CSMD1: variants seen among roughly 807,000 people sequenced by gnomAD.
CSMD1 encodes CUB and Sushi multiple domains 1.
Under a neutral mutation model 417.5 loss-of-function variants are expected in CSMD1, and 213 were observed. That is an observed-to-expected ratio of 0.51 (90% CI 0.46 to 0.57). The LOEUF is 0.57. Among genes scored for constraint, CSMD1 ranks in the 20% least tolerant of loss-of-function variants. The pLI is 0.00. For missense variants in CSMD1, 6,923 were observed against 4,529.7 expected, an observed-to-expected ratio of 1.53 and a Z score of -15.17; for synonymous variants, 2,862 against 1,736.8, an observed-to-expected ratio of 1.65 and a Z score of -16.11.
At chr8:4,426,754 A>G (rs1409121322) in intron 2 of CSMD1, among the ~76,000 whole-genome samples, 6 of 147,990 alleles carry the variant, frequency 4.1e-5, no homozygotes, top group Non-Finnish European at 8.9e-5. Context: ...ATAGTAATAT[A>G]GTAATATTTT....
At chr8:3,926,701 G>C (rs954289348) in intron 5 of CSMD1, among the ~76,000 whole-genome samples, 7 of 138,008 alleles carry the variant, frequency 5.1e-5, no homozygotes, top group Admixed American at 1.4e-4. Context: ...TTAAATTCAA[G>C]TTAAATTGAC....
intron 3 of CSMD1, among the ~76,000 whole-genome samples, chr8:4,063,981 G>C (rs1468165432): frequency 1.3e-5 from 2 of 152,096 alleles, no homozygotes; most frequent in African/African-American, 2.4e-5. Flanking sequence ...AGTGTGTGTT[G>C]GGAAAATGGG....
chr8:4,024,699 T>C (rs1302910813), intron 4 of CSMD1, among the ~76,000 whole-genome samples: 1 of 152,168 alleles, frequency 6.6e-6, no homozygotes, highest in African/African-American at 2.4e-5. Flanking sequence ...TGTGGATACC[T>C]TCCTATGGTG....
intron 3 of CSMD1, among the ~76,000 whole-genome samples, chr8:4,207,105 T>C (rs911252396): frequency 3.3e-5 from 5 of 152,170 alleles, no homozygotes; most frequent in African/African-American, 1.2e-4. Flanking sequence ...TGTTTTCTCA[T>C]TTTCTAAATA....
chr8:3,621,731 C>T (rs891907597), intron 7 of CSMD1, among the ~76,000 whole-genome samples: 3 of 151,946 alleles, frequency 2.0e-5, no homozygotes, highest in East Asian at 3.9e-4. Flanking sequence ...AGGTGCATGC[C>T]ACCACTCCCA....
intron 5 of CSMD1, among the ~76,000 whole-genome samples, chr8:3,985,522 C>G (rs781576841): frequency 5.9e-5 from 9 of 152,096 alleles, no homozygotes; most frequent in African/African-American, 1.9e-4. Context: ...GAGCCAGATA[C>G]AACGAACACA....
intron 3 of CSMD1, among the ~76,000 whole-genome samples, chr8:4,332,206 C>A (rs1425877552): frequency 6.6e-6 from 1 of 152,048 alleles, no homozygotes; most frequent in African/African-American, 2.4e-5. Context: ...TGTGAGCAAA[C>A]AGGTGCGGAT....
intron 2 of CSMD1, among the ~76,000 whole-genome samples, chr8:4,465,915 AG>A (rs1800138805): frequency 6.6e-6 from 1 of 152,182 alleles, no homozygotes; most frequent in South Asian, 2.1e-4. Context: ...TCACAGCCAT[AG>A]AAGAAGGAAA....
chr8:4,881,843 C>A (rs1219101395), intron 1 of CSMD1, among the ~76,000 whole-genome samples: 1 of 151,926 alleles, frequency 6.6e-6, no homozygotes, highest in South Asian at 2.1e-4. Flanking sequence ...TTCTACAATT[C>A]GAGCATTATT....
intron 1 of CSMD1, among the ~76,000 whole-genome samples, chr8:4,808,006 G>C (rs985600201): frequency 6.6e-6 from 1 of 152,160 alleles, no homozygotes; most frequent in African/African-American, 2.4e-5. Context: ...AATCTGTTGT[G>C]TATCCCATTG....
At chr8:4,862,613 C>T (rs1050990194) in intron 1 of CSMD1, among the ~76,000 whole-genome samples, 8 of 152,122 alleles carry the variant, frequency 5.3e-5, no homozygotes, top group East Asian at 1.9e-4. Context: ...AATTGGAATA[C>T]GGTTTTAGAG....
intron 10 of CSMD1, among the ~76,000 whole-genome samples, chr8:3,513,604 C>T (rs181620377): frequency 2.0e-5 from 3 of 152,080 alleles, no homozygotes; most frequent in African/African-American, 4.8e-5. Flanking sequence ...CGCAATGCCC[C>T]AGAAAACATG....
intron 38 of CSMD1, among the ~76,000 whole-genome samples, chr8:3,160,236 C>A (rs1819797796): frequency 6.6e-6 from 1 of 152,170 alleles, no homozygotes; most frequent in Non-Finnish European, 1.5e-5. Context: ...GATCCACCCA[C>A]CTCAGCCTCC....
At chr8:4,109,490 C>G (rs1241499468) in intron 3 of CSMD1, among the ~76,000 whole-genome samples, 1 of 152,166 alleles carries the variant, frequency 6.6e-6, no homozygotes, top group Non-Finnish European at 1.5e-5. Context: ...CAATCCCATA[C>G]ATGCTGTGCA....
At chr8:4,931,757 G>A (rs1019395615) in intron 1 of CSMD1, among the ~76,000 whole-genome samples, 2 of 152,156 alleles carry the variant, frequency 1.3e-5, no homozygotes, top group Admixed American at 1.3e-4. Flanking sequence ...AATTTGGAGA[G>A]AATGGCTACC....
intron 3 of CSMD1, among the ~76,000 whole-genome samples, chr8:4,289,285 C>G (rs1797230766): frequency 1.3e-5 from 2 of 152,198 alleles, no homozygotes; most frequent in Non-Finnish European, 1.5e-5. Context: ...AATTTGCCTA[C>G]ATAATTTCAC....
At chr8:3,390,330 G>A (rs1811272237) in intron 17 of CSMD1, among the ~76,000 whole-genome samples, 1 of 139,492 alleles carries the variant, frequency 7.2e-6, no homozygotes, top group African/African-American at 2.7e-5. Context: ...ATTCCAGCCT[G>A]GGCGACAGAG....
intron 12 of CSMD1, among the ~76,000 whole-genome samples, chr8:3,446,505 G>A (rs1051424646): frequency 1.3e-5 from 2 of 152,168 alleles, no homozygotes; most frequent in Non-Finnish European, 2.9e-5. Context: ...GTAGTTCATG[G>A]TCATGCTAGA....
Position 3,699,198 on chromosome 8 carries a change from C to A in CSMD1, c.1009+9216G>T, listed in dbSNP as rs117572774. Among the ~76,000 whole-genome samples the A allele has an allele frequency of 5.9e-3, 903 of 152,330 alleles. 11 individuals are homozygous for A. Among genetic ancestry groups the A allele is most frequent in the African/African-American group, 0.017 (725 of 41,574 alleles). Reference sequence around the variant, plus strand: ...TAGTACATTACACTGTGTTTTCTGACTGACTAGAGCACACAATGTAGACTG... The same window carrying A: ...TAGTACATTACACTGTGTTTTCTGAATGACTAGAGCACACAATGTAGACTG... On this transcript the variant is annotated intron_variant, in intron 7 of 69. Transcript: ENST00000635120.
Sources: allele counts gnomAD v4.1 joint callset (sites outside exome capture counted in the v4.1 genomes callset), GRCh38; gene constraint gnomAD v4.1.1; transcripts MANE v1.5; gene names NCBI Gene and HGNC (gene_info 2026-07-23, HGNC 2026-07-21).